The following LRPAP1 variants were observed in gnomAD, a reference collection of about 807,000 sequenced individuals.
The protein encoded by LRPAP1 is LDL receptor related protein associated protein 1, also known as alpha-2-macroglobulin receptor-associated protein.
LRPAP1 carries 41 observed loss-of-function variants against 39.9 expected under a neutral mutation model. That is an observed-to-expected ratio of 1.03 (90% confidence interval 0.80 to 1.33). The LOEUF is 1.33. Ranked by LOEUF, LRPAP1 falls within the 40% of genes most tolerant of loss-of-function variation. The pLI is 0.00. For synonymous variants in LRPAP1, 263 were observed against 212.7 expected (o/e 1.24, Z -2.06); for missense variants, 565 against 482.3 (o/e 1.17, Z -1.61).
chr4:3,516,295 G>C (rs1373845236), intron 5 of LRPAP1, 97 bp from the exon 6 acceptor site: 8 of 960,596 alleles, frequency 8.3e-6, no homozygotes, highest in Non-Finnish European at 1.3e-5. Context: ...GAGCCTATGA[G>C]GGTTTGCAGG....
chr4:3,517,012 C>T (rs962301891), intron 5 of LRPAP1, among the ~76,000 whole-genome samples: 2 of 152,248 alleles, frequency 1.3e-5, no homozygotes, highest in Non-Finnish European at 2.9e-5. Context: ...CCTGCATGGA[C>T]TATAGCCAGG....
At chr4:3,520,372 G>C in intron 2 of LRPAP1, 179 bp from the exon 3 acceptor site, 1 of 635,174 alleles carries the variant, frequency 1.6e-6, no homozygotes, top group Non-Finnish European at 2.7e-6. Context: ...GTAAACAAGC[G>C]TGGGGTCTGT....
At position 3,511,973 on chromosome 4, in the gene LRPAP1, GGCTC is replaced by G. The variant is rs1396923262; in HGVS notation, c.*997_*1000del. Reference sequence around the variant, plus strand: ...CGGAGCCGGACCCGAGCCTCTTCCAGGCTCAGACACGGGAAGGGAACCACGCTCG... The same window carrying G: ...CGGAGCCGGACCCGAGCCTCTTCCAGAGACACGGGAAGGGAACCACGCTCG... On this transcript the variant is annotated 3_prime_UTR_variant, in exon 8 of 8. Coordinates refer to ENST00000650182, the MANE Select transcript of LRPAP1 (RefSeq NM_002337.4). The G allele has an allele frequency of 0.029, 22 of 756 alleles. 7 individuals carry two copies. Among genetic ancestry groups the G allele is most frequent in the South Asian group, 0.25 (3 of 12 alleles). The allele number at this position is 756 out of a possible 1,614,324, so 0.0% of individuals were successfully genotyped here.
At position 3,505,274 on chromosome 4, in the gene LRPAP1, G is replaced by C. The variant is rs1052339836; in HGVS notation, c.*7700C>G. On this transcript the variant is annotated 3_prime_UTR_variant, in exon 8 of 8. Transcript: ENST00000650182. ...CGGCTGCGGTGGCAGTGGTGGGGGA[G>C]CAGGCATGGCACCCGGAGCACTGGA... 5.3e-5 allele frequency among the ~76,000 whole-genome samples: 8 copies of C among 152,200 alleles called. No homozygotes were observed. Among genetic ancestry groups the C allele is most frequent in the African/African-American group, 1.9e-4 (8 of 41,456 alleles).
Position 3,505,387 on chromosome 4 carries a change from G to A in LRPAP1, c.*7587C>T, listed in dbSNP as rs985683059. Among the ~76,000 whole-genome samples, 4 of 152,222 alleles carry A rather than the reference G, an allele frequency of 2.6e-5. No homozygotes were observed. The East Asian group carries it at 7.7e-4, about 29-fold the overall frequency. ...CCCTCGCCAGGCTGCTGGCCCCATC[G>A]CTGGGAAGGAGTGGTTTGACCCCTC... On this transcript the variant is annotated 3_prime_UTR_variant, in exon 8 of 8. Transcript: ENST00000650182.
At chr4:3,527,750 C>T (rs1336908402) in intron 1 of LRPAP1, among the ~76,000 whole-genome samples, 3 of 152,172 alleles carry the variant, frequency 2.0e-5, no homozygotes, top group African/African-American at 7.2e-5. Flanking sequence ...GAAAGCGGAG[C>T]TGAAGACCCA....
At chr4:3,530,256 C>T (rs890862107) in intron 1 of LRPAP1, among the ~76,000 whole-genome samples, 21 of 152,138 alleles carry the variant, frequency 1.4e-4, no homozygotes, top group Non-Finnish European at 2.2e-4. Flanking sequence ...CAAAAAGACC[C>T]GGACGGGTCT....
Position 3,511,232 on chromosome 4 carries a change from G to GCCCCCA in LRPAP1, c.*1736_*1741dup, listed in dbSNP as rs1044565657. The GCCCCCA allele has an allele frequency of 6.6e-6, 1 of 150,686 alleles. No homozygotes were observed. The highest frequency in any genetic ancestry group is 2.5e-5 in the African/African-American group (1 of 40,780). 9.3% of individuals were successfully genotyped at this position (150,686 alleles called of 1,614,324 possible). On this transcript the variant is annotated 3_prime_UTR_variant, in exon 8 of 8. Transcript: ENST00000650182. ...GATCCATTAGGTGCTCCTAGAGTTGGCCCCCACCCCCACCCCCACACGAGT... is the reference window on the plus strand; with the variant it reads ...GATCCATTAGGTGCTCCTAGAGTTGGCCCCCACCCCCACCCCCACCCCCACACGAGT...
chr4:3,517,015 T>C (rs530143998), intron 5 of LRPAP1, among the ~76,000 whole-genome samples: 4 of 152,342 alleles, frequency 2.6e-5, no homozygotes, highest in Non-Finnish European at 5.9e-5. Flanking sequence ...GCATGGACTA[T>C]AGCCAGGCTC....
intron 4 of LRPAP1, 40 bp from the exon 5 acceptor site, chr4:3,518,232 C>A: frequency 6.3e-7 from 1 of 1,580,908 alleles, no homozygotes; most frequent in South Asian, 1.2e-5. Context: ...GCTGGGAGTC[C>A]TCGCACTGCC....
rs531521804 is a variant in LRPAP1, at chr4:3,511,267, A to T, written c.*1707T>A. On this transcript the variant is annotated 3_prime_UTR_variant, in exon 8 of 8. Coordinates refer to ENST00000650182, the MANE Select transcript of LRPAP1 (RefSeq NM_002337.4). ...CCACCCCCACACGAGTGTTCACCACAGCTATTTCCAAGTGAGTGTTATTAC... is the reference window on the plus strand; with the variant it reads ...CCACCCCCACACGAGTGTTCACCACTGCTATTTCCAAGTGAGTGTTATTAC... 10 of 134,274 alleles carry T rather than the reference A, an allele frequency of 7.4e-5. No homozygotes were observed. Among genetic ancestry groups the T allele is most frequent in the African/African-American group, 2.9e-4 (10 of 35,018 alleles). 8.3% of individuals were successfully genotyped at this position (134,274 alleles called of 1,614,324 possible).
In LRPAP1 at chr4:3,520,209, G is replaced by A. The variant is rs1335590386; in HGVS notation, c.350-16C>T. ...GCCAAGATGACTAGGAGAGAGGGGAGGTTCTATTTGATATGGTTTCCTGTG... is the reference window on the plus strand; with the variant it reads ...GCCAAGATGACTAGGAGAGAGGGGAAGTTCTATTTGATATGGTTTCCTGTG... On this transcript the variant is annotated splice_polypyrimidine_tract_variant and intron_variant, in intron 2 of 7. Coordinates refer to ENST00000650182, the MANE Select transcript of LRPAP1 (RefSeq NM_002337.4). The A allele has an allele frequency of 1.2e-6, 2 of 1,609,520 alleles. No homozygotes were observed. Among genetic ancestry groups the A allele is most frequent in the African/African-American group, 1.3e-5 (1 of 74,882 alleles).
chr4:3,525,432 G>A (rs1730051953), intron 1 of LRPAP1, among the ~76,000 whole-genome samples: 1 of 149,366 alleles, frequency 6.7e-6, no homozygotes, highest in South Asian at 2.2e-4. Flanking sequence ...ATATTGCAAG[G>A]ACACAGACAC....
rs374412245 is a variant in LRPAP1 at position 3,515,171 on chromosome 4, C to T, written c.835-243G>A. Among the ~76,000 whole-genome samples, 23 of 152,160 alleles carry T rather than the reference C, an allele frequency of 1.5e-4. No individual in the cohort carries two copies. In the East Asian group the frequency reaches 1.7e-3, roughly 11 times the overall value. ...TCCCTGTCTCTGCAAATGGCACCCC[C>T]GCCCCCCGAATCTAGGGGGCCTCCA... On this transcript the variant is annotated intron_variant, in intron 6 of 7. Transcript: ENST00000650182.
At chr4:3,527,306 G>T (rs189766116) in intron 1 of LRPAP1, among the ~76,000 whole-genome samples, 148 of 152,110 alleles carry the variant, frequency 9.7e-4, no homozygotes, top group African/African-American at 3.3e-3. Context: ...ACTTGCCTGC[G>T]GCGTCCACTG....
chr4:3,527,917 G>C (rs1027316651), intron 1 of LRPAP1, among the ~76,000 whole-genome samples: 1 of 152,228 alleles, frequency 6.6e-6, no homozygotes, highest in Non-Finnish European at 1.5e-5. Context: ...ACCCACAGGG[G>C]AAAGTCATTT....
intron 4 of LRPAP1, 104 bp downstream of exon 4, chr4:3,518,767 G>C: frequency 1.3e-6 from 1 of 749,702 alleles, no homozygotes; most frequent in Non-Finnish European, 2.1e-6. Flanking sequence ...GTTCCTGAGG[G>C]GAGCTGAGGC....
chr4:3,504,794 A>C lies in LRPAP1; in HGVS notation c.*8180T>G, dbSNP rs1351194166. Among the ~76,000 whole-genome samples the C allele has an allele frequency of 6.6e-6, 1 of 151,920 alleles. No homozygotes were observed. The highest frequency in any genetic ancestry group is 2.4e-5 in the African/African-American group (1 of 41,348). On this transcript the variant is annotated 3_prime_UTR_variant, in exon 8 of 8. Transcript: ENST00000650182. Reference sequence around the variant, plus strand: ...AAAACAAAACACACACACACACAGAAAAATTAGCTGGGTATGGTGGCAGGT... The same window carrying C: ...AAAACAAAACACACACACACACAGACAAATTAGCTGGGTATGGTGGCAGGT...
intron 1 of LRPAP1, among the ~76,000 whole-genome samples, chr4:3,528,348 G>A (rs372088715): frequency 1.3e-5 from 2 of 152,156 alleles, no homozygotes; most frequent in East Asian, 1.9e-4. Context: ...GTGTCCTCCT[G>A]ACCAGACCCA....
Sources: gnomAD v4.1 joint callset for allele counts (sites outside exome capture counted in the v4.1 genomes callset) on GRCh38, gnomAD v4.1.1 for gene constraint, MANE v1.5 for transcripts, NCBI Gene and HGNC (gene_info 2026-07-23, HGNC 2026-07-21) for gene names.